The following SLC24A2 variants were observed in gnomAD, a reference collection of about 807,000 sequenced individuals.
SLC24A2 encodes the protein sodium/potassium/calcium exchanger 2.
SLC24A2 carries 36 observed loss-of-function variants against 62.0 expected under a neutral mutation model. The ratio of observed to expected loss-of-function variants is 0.58; its 90% CI spans 0.44 to 0.77. The LOEUF (loss-of-function observed/expected upper bound fraction) is 0.77. SLC24A2 is among the 30% of genes least tolerant of loss of function. The pLI, the probability that SLC24A2 is intolerant of heterozygous loss-of-function variation, is 0.00. For missense variants in SLC24A2, 846 were observed against 817.9 expected, an observed-to-expected ratio of 1.03 and a Z score of -0.42; for synonymous variants, 358 against 294.0, an observed-to-expected ratio of 1.22 and a Z score of -2.23.
At chr9:20,003,012 G>A in the SLC24A2 span, among the ~76,000 whole-genome samples, 2 of 152,142 alleles carry the variant, frequency 1.3e-5, no homozygotes, top group Admixed American at 6.6e-5. Flanking sequence ...AATAGCTTTC[G>A]AAAAGGGGAC....
chr9:19,586,806 C>T (rs1586999522), intron 5 of SLC24A2, among the ~76,000 whole-genome samples: 2 of 152,096 alleles, frequency 1.3e-5, no homozygotes, highest in South Asian at 4.1e-4. Context: ...ATCTTTTGAA[C>T]ATTTCAATCT....
the SLC24A2 span, among the ~76,000 whole-genome samples, chr9:20,238,694 T>C: frequency 3.9e-5 from 6 of 152,234 alleles, no homozygotes; most frequent in Admixed American, 6.5e-5. Flanking sequence ...CACCCCAGTG[T>C]ACATGTCTTA....
At chr9:20,092,072 C>A in the SLC24A2 span, among the ~76,000 whole-genome samples, 19,366 of 152,096 alleles carry the variant, frequency 0.13, 1,737 homozygotes, top group Admixed American at 0.31. Flanking sequence ...AGGGGAACAA[C>A]AGACCCTGGG....
At chr9:19,765,415 G>C (rs757549507) in intron 2 of SLC24A2, among the ~76,000 whole-genome samples, 1 of 152,168 alleles carries the variant, frequency 6.6e-6, no homozygotes, top group East Asian at 1.9e-4. Flanking sequence ...ATTTTGGTTT[G>C]TTTTTGCAGT....
chr9:19,650,410 C>G (rs955962634), intron 2 of SLC24A2, among the ~76,000 whole-genome samples: 1 of 152,130 alleles, frequency 6.6e-6, no homozygotes, highest in Admixed American at 6.6e-5. Context: ...ACACGAAGAC[C>G]AAGAAGAACA....
the SLC24A2 span, among the ~76,000 whole-genome samples, chr9:20,298,212 G>A: frequency 6.6e-6 from 1 of 152,096 alleles, no homozygotes; most frequent in African/African-American, 2.4e-5. Flanking sequence ...AGGAAATTGA[G>A]GTTCAGAAAG....
chr9:19,974,026 CTT>C, the SLC24A2 span, among the ~76,000 whole-genome samples: 1 of 152,042 alleles, frequency 6.6e-6, no homozygotes, highest in Non-Finnish European at 1.5e-5. Context: ...TATTGATAAT[CTT>C]ATCTCATAAG....
At chr9:19,746,800 T>C (rs1311242228) in intron 2 of SLC24A2, among the ~76,000 whole-genome samples, 5 of 152,180 alleles carry the variant, frequency 3.3e-5, no homozygotes, top group East Asian at 1.9e-4. Context: ...ACTTATCTTG[T>C]TGATTTATGA....
In SLC24A2 at chr9:19,513,647, G is replaced by C. The variant is rs529761263; in HGVS notation, c.*2506C>G. The C allele has an allele frequency of 6.6e-6, 1 of 152,232 alleles. No individual in the cohort carries two copies. Among genetic ancestry groups the C allele is most frequent in the Non-Finnish European group, 1.5e-5 (1 of 68,044 alleles). 9.4% of individuals were successfully genotyped at this position (152,232 alleles called of 1,614,324 possible). On this transcript the variant is annotated 3_prime_UTR_variant, in exon 11 of 11. Coordinates refer to ENST00000341998, the MANE Select transcript of SLC24A2 (RefSeq NM_020344.4). Reference sequence around the variant, plus strand: ...AATGGGAGGGAGTGAGGAGGCAGAGGGAGGATCAGGAATAAGAAGAGGGCG... The same window carrying C: ...AATGGGAGGGAGTGAGGAGGCAGAGCGAGGATCAGGAATAAGAAGAGGGCG...
At chr9:19,951,756 A>G in the SLC24A2 span, among the ~76,000 whole-genome samples, 1 of 152,142 alleles carries the variant, frequency 6.6e-6, no homozygotes, top group Non-Finnish European at 1.5e-5. Context: ...AAATCAAGAA[A>G]TTAGGTAGTA....
rs1832840459 is a variant in SLC24A2 at position 19,514,153 on chromosome 9, C to T, written c.*2000G>A. The T allele has an allele frequency of 2.0e-5, 3 of 152,160 alleles. No homozygotes were observed. The highest frequency in any genetic ancestry group is 7.2e-5 in the African/African-American group (3 of 41,428). The allele number at this position is 152,160 out of a possible 1,614,324, so 9.4% of individuals were successfully genotyped here. A position where few individuals can be genotyped will look rare whatever the true frequency, so the allele number is the denominator to read the frequency against. Reference sequence around the variant, plus strand: ...GGTGAAGAGGAATGATGGGCATTTCCTGTTATTGCCATGCTCTGTGGGGTG... The same window carrying T: ...GGTGAAGAGGAATGATGGGCATTTCTTGTTATTGCCATGCTCTGTGGGGTG... On this transcript the variant is annotated 3_prime_UTR_variant, in exon 11 of 11. Coordinates refer to ENST00000341998, the MANE Select transcript of SLC24A2 (RefSeq NM_020344.4).
intron 6 of SLC24A2, among the ~76,000 whole-genome samples, chr9:19,575,715 T>C (rs1402526983): frequency 2.0e-5 from 3 of 152,200 alleles, no homozygotes; most frequent in African/African-American, 7.2e-5. Context: ...AAGTCTAAGG[T>C]TGGCCAGTCA....
At chr9:20,056,980 G>C in the SLC24A2 span, among the ~76,000 whole-genome samples, 1 of 152,228 alleles carries the variant, frequency 6.6e-6, no homozygotes, top group East Asian at 1.9e-4. Flanking sequence ...AATACTGGGA[G>C]AAATTCTGTC....
chr9:19,728,269 C>G (rs1004134389), intron 2 of SLC24A2, among the ~76,000 whole-genome samples: 1 of 150,414 alleles, frequency 6.6e-6, no homozygotes, highest in Non-Finnish European at 1.5e-5. Flanking sequence ...TGAGTTGCTT[C>G]GTATGACTGG....
Position 19,632,021 on chromosome 9 carries a change from G to T in SLC24A2, c.931-9722C>A, listed in dbSNP as rs551902854. On this transcript the variant is annotated intron_variant, in intron 2 of 10. Coordinates refer to ENST00000341998, the MANE Select transcript of SLC24A2 (RefSeq NM_020344.4). This position sits in a 1 kb window ranked among gnomAD's most constrained non-coding sequence, Gnocchi z 4.5. ...TGGCAGTAAGAAACCGTTCCACTGG[G>T]TGTTGACCATGATACACCTGGCCAT... 6.6e-6 allele frequency among the ~76,000 whole-genome samples: 1 copy of T among 152,302 alleles called. No homozygotes were observed. Among genetic ancestry groups the T allele is most frequent in the East Asian group, 1.9e-4 (1 of 5,178 alleles).
chr9:20,058,908 C>T, the SLC24A2 span, among the ~76,000 whole-genome samples: 1 of 152,164 alleles, frequency 6.6e-6, no homozygotes. Flanking sequence ...CTTCAAAATG[C>T]TACTTTGATA....
intron 10 of SLC24A2, among the ~76,000 whole-genome samples, chr9:19,517,943 ACACACACACACACACTCT>A (rs1408316029): frequency 2.4e-4 from 35 of 148,454 alleles, no homozygotes; most frequent in Non-Finnish European, 4.0e-4. Flanking sequence ...ACACACACAC[ACACACACACACACACTCT>A]CACACTTCTA....
chr9:19,661,131 G>C (rs1246668001), intron 2 of SLC24A2, among the ~76,000 whole-genome samples: 1 of 151,990 alleles, frequency 6.6e-6, no homozygotes, highest in African/African-American at 2.4e-5. Context: ...GTGAGTCTAT[G>C]GGCTTGCTGG....
chr9:19,915,048 A>T, the SLC24A2 span, among the ~76,000 whole-genome samples: 4 of 152,132 alleles, frequency 2.6e-5, no homozygotes, highest in Admixed American at 6.6e-5. Flanking sequence ...ACCATTAAGT[A>T]ACTCCAGAAT....
Sources: allele counts gnomAD v4.1 joint callset (sites outside exome capture counted in the v4.1 genomes callset), GRCh38; gene constraint gnomAD v4.1.1; non-coding constraint Gnocchi (gnomAD v3.1); transcripts MANE v1.5; gene names NCBI Gene and HGNC (gene_info 2026-07-23, HGNC 2026-07-21).